BAG4: variants seen among roughly 807,000 people sequenced by gnomAD.
BAG4 encodes the protein BAG cochaperone 4.
A neutral mutation model predicts 52.1 loss-of-function variants in BAG4; 28 were observed. The observed-to-expected ratio is 0.54, with a 90% CI of 0.40 to 0.74. The LOEUF (loss-of-function observed/expected upper bound fraction) is 0.74. Ranked by LOEUF, BAG4 falls within the 30% of genes least tolerant of loss-of-function variation. BAG4 has a pLI of 0.00. For missense variants in BAG4, 525 were observed against 572.0 expected (o/e 0.92, Z 0.84); for synonymous variants, 208 against 217.0 (o/e 0.96, Z 0.37).
intron 1 of BAG4, 110 bp downstream of exon 1, chr8:38,177,249 CG>C (rs752775173): frequency 2.1e-6 from 3 of 1,436,904 alleles, no homozygotes; most frequent in Non-Finnish European, 9.3e-7. Context: ...GGGTGTGTTG[CG>C]GGGGGTGTTG....
intron 1 of BAG4, among the ~76,000 whole-genome samples, chr8:38,181,465 G>A (rs999936202): frequency 6.6e-6 from 1 of 151,810 alleles, no homozygotes; most frequent in African/African-American, 2.4e-5. Context: ...GGCTGGGTGC[G>A]GTGTCTCACG....
rs1348295510 is a variant in BAG4 at position 38,211,142 on chromosome 8, T to TG, written c.*650dup. ...TTTTCACCACTTGAATATACTGCAATGTGTAGTGAGTAAATTGTCTCCCTT... is the reference window on the plus strand; with the variant it reads ...TTTTCACCACTTGAATATACTGCAATGGTGTAGTGAGTAAATTGTCTCCCTT... On this transcript the variant is annotated 3_prime_UTR_variant, in exon 5 of 5. Coordinates refer to ENST00000287322, the MANE Select transcript of BAG4 (RefSeq NM_004874.4). 6.6e-6 allele frequency: 1 copy of TG among 151,584 alleles called. No individual in the cohort carries two copies. The highest frequency in any genetic ancestry group is 2.4e-5 in the African/African-American group (1 of 41,360). The allele number at this position is 151,584 out of a possible 1,614,324, so 9.4% of individuals were successfully genotyped here.
At chr8:38,198,421 T>A (rs544550575) in intron 2 of BAG4, among the ~76,000 whole-genome samples, 27 of 150,526 alleles carry the variant, frequency 1.8e-4, no homozygotes, top group South Asian at 6.3e-4. Flanking sequence ...TTTTTTTTTT[T>A]AATTTCTTTA....
intron 1 of BAG4, among the ~76,000 whole-genome samples, chr8:38,182,397 G>C (rs1056949510): frequency 3.3e-5 from 5 of 152,052 alleles, no homozygotes; most frequent in South Asian, 2.1e-4. Flanking sequence ...GGGGAATGTT[G>C]GTAAGTCATT....
chr8:38,187,055 C>G (rs184645097), intron 1 of BAG4, among the ~76,000 whole-genome samples: 2 of 152,188 alleles, frequency 1.3e-5, no homozygotes, highest in Admixed American at 1.3e-4. Flanking sequence ...TGCAAAGACA[C>G]AGGAAAGTAT....
At chr8:38,188,204 A>C (rs142449483) in intron 1 of BAG4, among the ~76,000 whole-genome samples, 83 of 152,240 alleles carry the variant, frequency 5.5e-4, no homozygotes, top group Non-Finnish European at 1.0e-3. Context: ...AAAACACATG[A>C]GACATATAAA....
intron 2 of BAG4, among the ~76,000 whole-genome samples, chr8:38,205,031 TTTAG>T (rs982806252): frequency 1.3e-5 from 2 of 151,944 alleles, no homozygotes; most frequent in Admixed American, 6.6e-5. Flanking sequence ...AAAATATTTA[TTTAG>T]TTAGTTAGCT....
chr8:38,181,165 T>A (rs999841374), intron 1 of BAG4, among the ~76,000 whole-genome samples: 17 of 150,708 alleles, frequency 1.1e-4, no homozygotes, highest in African/African-American at 4.2e-4. Context: ...ATGGTATCGA[T>A]CTCCTGACCT....
At position 38,212,989 on chromosome 8, in the gene BAG4, A is replaced by G. The variant is rs564225430; in HGVS notation, c.*2496A>G. ...CTGGATTTATATTTTTAACTATAAT[A>G]AGATATTCAGGATAAGTATAGATTT... On this transcript the variant is annotated 3_prime_UTR_variant, in exon 5 of 5. Coordinates refer to ENST00000287322, the MANE Select transcript of BAG4 (RefSeq NM_004874.4). The G allele has an allele frequency of 1.4e-4, 21 of 152,350 alleles. No homozygotes were observed. The East Asian group carries it at 4.0e-3, about 29-fold the overall frequency. The allele number at this position is 152,350 out of a possible 1,614,324, so 9.4% of individuals were successfully genotyped here.
intron 2 of BAG4, among the ~76,000 whole-genome samples, chr8:38,196,525 C>T (rs530834959): frequency 7.2e-5 from 11 of 152,056 alleles, no homozygotes; most frequent in African/African-American, 2.7e-4. Context: ...TGGTGGCGGG[C>T]ACCTGTAGTC....
intron 1 of BAG4, among the ~76,000 whole-genome samples, chr8:38,184,549 C>T (rs777296817): frequency 1.2e-4 from 18 of 151,922 alleles, no homozygotes; most frequent in Non-Finnish European, 2.1e-4. Context: ...CAGGAGGTGG[C>T]GCCTCCTACC....
chr8:38,209,215 C>G lies in BAG4; in HGVS notation c.836C>G (p.Pro279Arg). 1.2e-6 allele frequency: 2 copies of G among 1,614,200 alleles called. No homozygotes were observed. The highest frequency in any genetic ancestry group is 2.2e-5 in the South Asian group (2 of 91,084). The change falls in exon 4 of 5, where the codon CCT becomes CGT. Residue 279 changes from proline to arginine, a missense_variant. Coordinates refer to ENST00000287322, the MANE Select transcript of BAG4 (RefSeq NM_004874.4). ...LYMTESTSPW[P>R]SSGSPQSPPS... Reference sequence around the variant, plus strand: ...ATGACTGAAAGTACTTCACCATGGCCTAGCAGTGGCTCTCCCCAGTCACCC... The same window carrying G: ...ATGACTGAAAGTACTTCACCATGGCGTAGCAGTGGCTCTCCCCAGTCACCC...
At chr8:38,181,334 A>AAGCGG (rs1244892201) in intron 1 of BAG4, among the ~76,000 whole-genome samples, 1 of 141,388 alleles carries the variant, frequency 7.1e-6, no homozygotes, top group African/African-American at 2.6e-5. Context: ...TCCCAGGTTC[A>AAGCGG]AGCGATTTAC....
chr8:38,203,439 C>T lies in BAG4; in HGVS notation c.379-4073C>T, dbSNP rs540858575. 1.7e-3 allele frequency among the ~76,000 whole-genome samples: 254 copies of T among 152,138 alleles called. 1 individual carries two copies. Among genetic ancestry groups the T allele is most frequent in the Middle Eastern group, 0.014 (4 of 294 alleles). On this transcript the variant is annotated intron_variant, in intron 2 of 4. Coordinates refer to ENST00000287322, the MANE Select transcript of BAG4 (RefSeq NM_004874.4). ...CTGGGACTACAGTCGCCTGCCACCA[C>T]GCCCAGCTAATTTTTTTGTATTTTT...
At chr8:38,201,862 ATATATATATATATATATATTTTTTTTTT>A (rs1803674228) in intron 2 of BAG4, 6 of 6,248 alleles carry the variant, frequency 9.6e-4, no homozygotes, top group East Asian at 9.4e-3. Flanking sequence ...ATATATATAT[ATATATATATATATATATATTTTTTTTTT>A]TTTTTTTTTT....
chr8:38,207,889 A>C (rs1438332497), intron 3 of BAG4, 123 bp downstream of exon 3: 1 of 1,195,718 alleles, frequency 8.4e-7, no homozygotes, highest in East Asian at 2.6e-5. Flanking sequence ...GAAGGCTTTT[A>C]TATTGATGCC....
rs1282147500 is a variant in BAG4, at chr8:38,194,779, T to TA, written c.378+1986dup. On this transcript the variant is annotated intron_variant, in intron 2 of 4. Coordinates refer to ENST00000287322, the MANE Select transcript of BAG4 (RefSeq NM_004874.4). ...CAAAATGGTTGTACTAACAAAGGAGTAATTGTCATATTTGCATATTTCCAT... is the reference window on the plus strand; with the variant it reads ...CAAAATGGTTGTACTAACAAAGGAGTAAATTGTCATATTTGCATATTTCCAT... 3.3e-5 allele frequency among the ~76,000 whole-genome samples: 5 copies of TA among 151,826 alleles called. No homozygotes were observed. The East Asian group carries it at 9.7e-4, about 29-fold the overall frequency.
In BAG4 at chr8:38,177,544, G is replaced by T. The variant is rs2049307087; in HGVS notation, c.270+405G>T. ...TGGCTGCAGCCCCCGATGCCGCTCA[G>T]GGACCCTCCCGAGGGGAAGGAACCT... On this transcript the variant is annotated intron_variant, in intron 1 of 4. Coordinates refer to ENST00000287322, the MANE Select transcript of BAG4 (RefSeq NM_004874.4). Among the ~76,000 whole-genome samples the T allele has an allele frequency of 3.9e-5, 6 of 152,174 alleles. No homozygotes were observed. The South Asian group carries it at 1.2e-3, about 32-fold the overall frequency.
rs1013730122 is a variant in BAG4 at position 38,212,550 on chromosome 8, G to A, written c.*2057G>A. Reference sequence around the variant, plus strand: ...TAAAGTAGAAAGTTTAAAAAGTAGAGATTTTAGTCTTTTCACTAATGTCCT... The same window carrying A: ...TAAAGTAGAAAGTTTAAAAAGTAGAAATTTTAGTCTTTTCACTAATGTCCT... On this transcript the variant is annotated 3_prime_UTR_variant, in exon 5 of 5. Transcript: ENST00000287322. 9.9e-5 allele frequency: 15 copies of A among 152,168 alleles called. No homozygotes were observed. Among genetic ancestry groups the A allele is most frequent in the African/African-American group, 3.6e-4 (15 of 41,434 alleles). The allele number at this position is 152,168 out of a possible 1,614,324, so 9.4% of individuals were successfully genotyped here. A position where few individuals can be genotyped will look rare whatever the true frequency, so the allele number is the denominator to read the frequency against.
Sources: gnomAD v4.1 joint callset for allele counts (sites outside exome capture counted in the v4.1 genomes callset) on GRCh38, gnomAD v4.1.1 for gene constraint, MANE v1.5 for transcripts, NCBI Gene and HGNC (gene_info 2026-07-23, HGNC 2026-07-21) for gene names.